Variants in BDH1 observed in about 807,000 individuals in gnomAD.
BDH1 encodes 3-hydroxybutyrate dehydrogenase 1, also known as D-beta-hydroxybutyrate dehydrogenase, mitochondrial.
In BDH1, 30 loss-of-function variants were observed where a neutral mutation model predicts 33.1. That is an observed-to-expected ratio of 0.91 (90% CI 0.68 to 1.23). The LOEUF (loss-of-function observed/expected upper bound fraction) is 1.23. Ranked by LOEUF, BDH1 falls within the 50% of genes most tolerant of loss-of-function variation. The probability of loss-of-function intolerance (pLI) is 0.00; values close to 1 mark genes in which losing one functional copy is unlikely to be tolerated. For missense variants in BDH1, 443 were observed against 464.4 expected, an observed-to-expected ratio of 0.95 and a Z score of 0.42; for synonymous variants, 190 against 183.6, an observed-to-expected ratio of 1.03 and a Z score of -0.28.
chr3:197,555,109 G>A (rs1053320413), intron 1 of BDH1, among the ~76,000 whole-genome samples: 7 of 152,254 alleles, frequency 4.6e-5, no homozygotes, highest in Non-Finnish European at 8.8e-5. Flanking sequence ...CACCACTCTG[G>A]CATCCCCAGC....
rs1553872407 is a variant in BDH1 at position 197,531,439 on chromosome 3, G to GTATATATATATATACATATATGTA, written c.267+949_267+972dup. ...AAAAAATATATATATATATATATGT[G>GTATATATATATATACATATATGTA]TATATATATATATACATATATGTAT... On this transcript the variant is annotated intron_variant, in intron 5 of 7. Transcript: ENST00000392379. Among the ~76,000 whole-genome samples, 39 of 143,664 alleles carry GTATATATATATATACATATATGTA rather than the reference G, an allele frequency of 2.7e-4. No homozygotes were observed. The East Asian group carries it at 7.1e-3, about 26-fold the overall frequency. 94.2% of individuals were successfully genotyped at this position (143,664 alleles called of 152,430 possible).
chr3:197,516,293 C>A lies in BDH1; in HGVS notation c.410-1877G>T, dbSNP rs1234253418. 6.6e-6 allele frequency among the ~76,000 whole-genome samples: 1 copy of A among 152,134 alleles called. No individual in the cohort carries two copies. The highest frequency in any genetic ancestry group is 2.4e-5 in the African/African-American group (1 of 41,432). On this transcript the variant is annotated intron_variant, in intron 6 of 7. Transcript: ENST00000392379. The surrounding 1 kb of genome is among the most constrained non-coding windows in gnomAD (Gnocchi z 4.2). ...CAGCCGTTTTGTGTTTGATTCATAA[C>A]GGACAATATCCCATGACTTAAAATG...
chr3:197,548,081 C>A (rs1342318819), intron 2 of BDH1, among the ~76,000 whole-genome samples: 1 of 152,258 alleles, frequency 6.6e-6, no homozygotes, highest in African/African-American at 2.4e-5. Flanking sequence ...GCAAAGGAGG[C>A]ACTCTGAGTC....
chr3:197,561,834 C>T (rs183236199), intron 1 of BDH1, among the ~76,000 whole-genome samples: 2 of 152,220 alleles, frequency 1.3e-5, no homozygotes, highest in African/African-American at 4.8e-5. Flanking sequence ...TGTTTGCTTC[C>T]TGTCTTAAAA....
rs1289790451 is a variant in BDH1 at position 197,528,376 on chromosome 3, T to C, written c.267+4036A>G. 1.3e-5 allele frequency: 2 copies of C among 151,842 alleles called. No homozygotes were observed. Among genetic ancestry groups the C allele is most frequent in the Non-Finnish European group, 2.9e-5 (2 of 68,048 alleles). 9.4% of individuals were successfully genotyped at this position (151,842 alleles called of 1,614,324 possible). A position where few individuals can be genotyped will look rare whatever the true frequency, so the allele number is the denominator to read the frequency against. On this transcript the variant is annotated intron_variant, in intron 5 of 7. Transcript: ENST00000392379. The surrounding 1 kb of genome is among the most constrained non-coding windows in gnomAD (Gnocchi z 5.1). ...AGGAGAGAGCGTGGAGCCAGTGACG[T>C]AGGAGGTGGCAGACATCTGCTGGAG... is the stretch of plus-strand genomic sequence containing the variant.
intron 2 of BDH1, among the ~76,000 whole-genome samples, chr3:197,551,890 G>T (rs1281344763): frequency 6.6e-6 from 1 of 152,006 alleles, no homozygotes; most frequent in East Asian, 1.9e-4. Context: ...TTTTCACTAG[G>T]AGAACAGGGC....
chr3:197,552,451 C>G (rs994467495), intron 2 of BDH1, among the ~76,000 whole-genome samples: 5 of 152,202 alleles, frequency 3.3e-5, no homozygotes, highest in Non-Finnish European at 5.9e-5. Flanking sequence ...AAGCCAAAAT[C>G]TAGAGTTTGC....
chr3:197,550,949 T>A (rs1716515749), intron 2 of BDH1, among the ~76,000 whole-genome samples: 1 of 152,194 alleles, frequency 6.6e-6, no homozygotes, highest in Admixed American at 6.5e-5. Context: ...TATGGGTAGG[T>A]CGTAGTTCTA....
Position 197,516,038 on chromosome 3 carries a change from A to C in BDH1, c.410-1622T>G, listed in dbSNP as rs1210740412. Among the ~76,000 whole-genome samples the C allele has an allele frequency of 3.9e-5, 6 of 152,052 alleles. No homozygotes were observed. The highest frequency in any genetic ancestry group is 3.9e-4 in the East Asian group (2 of 5,186). On this transcript the variant is annotated intron_variant, in intron 6 of 7. Transcript: ENST00000392379. This position sits in a 1 kb window ranked among gnomAD's most constrained non-coding sequence, Gnocchi z 4.2. ...GTGGTACACCAAGGACCTCACCCCC[A>C]GTCTTCACTCTCCTCAGGCTCGCTA...
Position 197,510,070 on chromosome 3 carries a change from C to G in BDH1, c.*1825G>C, listed in dbSNP as rs1163013856. 6.6e-6 allele frequency: 1 copy of G among 152,338 alleles called. No individual in the cohort carries two copies. Among genetic ancestry groups the G allele is most frequent in the Non-Finnish European group, 1.5e-5 (1 of 68,104 alleles). 9.4% of individuals were successfully genotyped at this position (152,338 alleles called of 1,614,324 possible). Reference sequence around the variant, plus strand: ...AATTGCCCATTGTGAGGCCCTTCTTCCTTGGCACTGCCTGAACCCCGTAGC... The same window carrying G: ...AATTGCCCATTGTGAGGCCCTTCTTGCTTGGCACTGCCTGAACCCCGTAGC... On this transcript the variant is annotated 3_prime_UTR_variant, in exon 8 of 8. Transcript: ENST00000392379.
chr3:197,564,387 G>C (rs889806434), intron 1 of BDH1, among the ~76,000 whole-genome samples: 2 of 149,836 alleles, frequency 1.3e-5, no homozygotes, highest in African/African-American at 5.1e-5. Flanking sequence ...AAAAAACTGA[G>C]ATTAAATTTT....
rs576443778 is a variant in BDH1, at chr3:197,516,648, G to A, written c.410-2232C>T. Among the ~76,000 whole-genome samples the A allele has an allele frequency of 3.9e-5, 6 of 151,906 alleles. No homozygotes were observed. Among genetic ancestry groups the A allele is most frequent in the Admixed American group, 2.6e-4 (4 of 15,248 alleles). On this transcript the variant is annotated intron_variant, in intron 6 of 7. Transcript: ENST00000392379. The surrounding 1 kb of genome is among the most constrained non-coding windows in gnomAD (Gnocchi z 4.2). ...TCTCGCTTCCACCTGAATGTCCCACGGGTCCCTGACTCACCCTAACCACAA... is the reference window on the plus strand; with the variant it reads ...TCTCGCTTCCACCTGAATGTCCCACAGGTCCCTGACTCACCCTAACCACAA...
In BDH1 at chr3:197,525,542, G is replaced by A. The variant is rs887061966; in HGVS notation, c.268-2761C>T. On this transcript the variant is annotated intron_variant, in intron 5 of 7. Transcript: ENST00000392379. This position sits in a 1 kb window ranked among gnomAD's most constrained non-coding sequence, Gnocchi z 4.9. ...AGTCTTCTTTCAGAGGAAACTAGGG[G>A]ATTAATCTCACTGCCCACGGCTTCA... Among the ~76,000 whole-genome samples the A allele has an allele frequency of 3.9e-5, 6 of 152,182 alleles. No homozygotes were observed. The highest frequency in any genetic ancestry group is 1.4e-4 in the African/African-American group (6 of 41,440).
rs1443807700 is a variant in BDH1, at chr3:197,525,130, A to G, written c.268-2349T>C. ...CCCACAGAGGACTCCACCAAGAAAG[A>G]ACTAATGCATCTTCAGGTCTAGGGT... is the stretch of plus-strand genomic sequence containing the variant. On this transcript the variant is annotated intron_variant, in intron 5 of 7. Transcript: ENST00000392379. The surrounding 1 kb of genome is among the most constrained non-coding windows in gnomAD (Gnocchi z 4.9). 6.6e-6 allele frequency among the ~76,000 whole-genome samples: 1 copy of G among 152,238 alleles called. No individual in the cohort carries two copies. The highest frequency in any genetic ancestry group is 1.9e-4 in the East Asian group (1 of 5,168).
Position 197,511,964 on chromosome 3 carries a change from G to A in BDH1, c.963C>T (p.Tyr321=), listed in dbSNP as rs559084253. 2.8e-5 allele frequency: 45 copies of A among 1,607,488 alleles called. No homozygotes were observed. In the South Asian group the frequency reaches 4.3e-4, roughly 15 times the overall value. The change falls in exon 8 of 8, where the codon TAC becomes TAT. Residue 321 remains tyrosine, a synonymous_variant. Transcript: ENST00000392379. ...TCATGATCTGCATTCGCAGCCACCA[G>A]TAGTAGTCCATGGGGTGGTAGCGGG... is the stretch of plus-strand genomic sequence containing the variant. ...PYTRYHPMDY[Y]WWLRMQIMTH...
At position 197,532,415 on chromosome 3, in the gene BDH1, C is replaced by T; in HGVS notation, c.264G>A (p.Met88Ile). The T allele has an allele frequency of 6.2e-7, 1 of 1,613,552 alleles. No homozygotes were observed. The highest frequency in any genetic ancestry group is 8.5e-7 in the Non-Finnish European group (1 of 1,179,440). ...AAGAAGATAACTCGTCTCTTACCTT[C>T]ATCAAGCAGCCAGCAAACACAAGGA... is the stretch of plus-strand genomic sequence containing the variant. The part of the protein sequence containing the change: ...KGFLVFAGCL[M>I]KDKGHDGVKE... The change falls in exon 5 of 8, where the codon ATG becomes ATA. Residue 88 changes from methionine to isoleucine, a missense_variant. Met to Ile is a conservative substitution (Grantham distance 10). Coordinates refer to ENST00000392379, the MANE Select transcript of BDH1 (RefSeq NM_203314.3).
Position 197,551,599 on chromosome 3 carries a change from C to G in BDH1, c.-44+2963G>C, listed in dbSNP as rs755703335. Among the ~76,000 whole-genome samples, 29 of 152,166 alleles carry G rather than the reference C, an allele frequency of 1.9e-4. 1 individual carries two copies. The highest frequency in any genetic ancestry group is 3.9e-4 in the Admixed American group (6 of 15,278). On this transcript the variant is annotated intron_variant, in intron 2 of 7. Transcript: ENST00000392379. ...TTTGGGTATATACCCAGCAGTGGCA[C>G]TGCTGGATCCTATGGTAGCTCTATT...
intron 3 of BDH1, among the ~76,000 whole-genome samples, chr3:197,541,086 C>T (rs1472943766): frequency 6.6e-6 from 1 of 152,184 alleles, no homozygotes; most frequent in African/African-American, 2.4e-5. Flanking sequence ...CTCTTACAGT[C>T]GCTGTGGGAT....
At position 197,514,545 on chromosome 3, in the gene BDH1, A is replaced by G. The variant is rs1712481549; in HGVS notation, c.410-129T>C. On this transcript the variant is annotated intron_variant, in intron 6 of 7. Transcript: ENST00000392379. This position sits in a 1 kb window ranked among gnomAD's most constrained non-coding sequence, Gnocchi z 4.2. Reference sequence around the variant, plus strand: ...CCCAGCCTCTCGCCCAGTGCTCTCAAGAAACTTTCTAGAGTCACTCAGGAA... The same window carrying G: ...CCCAGCCTCTCGCCCAGTGCTCTCAGGAAACTTTCTAGAGTCACTCAGGAA... 41 of 1,126,574 alleles carry G rather than the reference A, an allele frequency of 3.6e-5. No individual in the cohort carries two copies. Among genetic ancestry groups the G allele is most frequent in the Non-Finnish European group, 4.9e-5 (39 of 803,994 alleles). The allele number at this position is 1,126,574 out of a possible 1,614,324, so 69.8% of individuals were successfully genotyped here.
Sources: allele counts gnomAD v4.1 joint callset (sites outside exome capture counted in the v4.1 genomes callset), GRCh38; gene constraint gnomAD v4.1.1; non-coding constraint Gnocchi (gnomAD v3.1); transcripts MANE v1.5; gene names NCBI Gene and HGNC (gene_info 2026-07-23, HGNC 2026-07-21).